The following DOCK1 variants were observed in gnomAD, a reference collection of about 807,000 sequenced individuals.
The protein encoded by DOCK1 is dedicator of cytokinesis 1, also known as dedicator of cytokinesis protein 1.
In DOCK1, 138 loss-of-function variants were observed where a neutral mutation model predicts 262.7. The ratio of observed to expected loss-of-function variants is 0.53; its 90% CI spans 0.46 to 0.61. The LOEUF is 0.61. Among genes scored for constraint, DOCK1 ranks in the 20% least tolerant of loss-of-function variants. The probability of loss-of-function intolerance (pLI) is 0.00; values close to 1 mark genes in which losing one functional copy is unlikely to be tolerated. For synonymous variants in DOCK1, 866 were observed against 867.4 expected (o/e 1.00, Z 0.03); for missense variants, 1,908 against 2,370.7 (o/e 0.80, Z 4.05).
intron 21 of DOCK1, among the ~76,000 whole-genome samples, chr10:127,047,521 A>G (rs1169083666): frequency 6.6e-6 from 1 of 152,220 alleles, no homozygotes; most frequent in Non-Finnish European, 1.5e-5. Flanking sequence ...TTAAAATTTA[A>G]AAACTTAAAA....
chr10:127,289,316 A>G (rs2061269475), intron 29 of DOCK1, among the ~76,000 whole-genome samples: 1 of 152,154 alleles, frequency 6.6e-6, no homozygotes, highest in African/African-American at 2.4e-5. Flanking sequence ...ACCACTGTGC[A>G]GATTCCATTG....
rs143729987 is a variant in DOCK1, at chr10:126,907,234, C to A, written c.46+1671C>A. ...AGAGGAGAGAGCTGAGGACTGACTC[C>A]CAGGGAACCTAGCACCAGCACACGC... On this transcript the variant is annotated intron_variant, in intron 1 of 51. Transcript: ENST00000623213. 1.5e-3 allele frequency among the ~76,000 whole-genome samples: 234 copies of A among 152,136 alleles called. 1 individual carries two copies. Among genetic ancestry groups the A allele is most frequent in the African/African-American group, 5.3e-3 (221 of 41,520 alleles).
intron 1 of DOCK1, among the ~76,000 whole-genome samples, chr10:126,918,022 A>G (rs564326695): frequency 1.2e-3 from 178 of 152,316 alleles, no homozygotes; most frequent in Non-Finnish European, 2.1e-3. Flanking sequence ...AGCTGTGCCC[A>G]TTGAGAGCTT....
chr10:127,340,465 A>G (rs997155762), intron 30 of DOCK1, among the ~76,000 whole-genome samples: 2 of 152,162 alleles, frequency 1.3e-5, no homozygotes, highest in Non-Finnish European at 1.5e-5. Flanking sequence ...ATTCCACGAT[A>G]TGAATGTACC....
intron 27 of DOCK1, chr10:127,195,959 C>T (rs1178323785): frequency 6.6e-6 from 1 of 152,222 alleles, no homozygotes; most frequent in Non-Finnish European, 1.5e-5. Flanking sequence ...ACGACGGGCG[C>T]GGGGGCGCGG....
intron 29 of DOCK1, among the ~76,000 whole-genome samples, chr10:127,292,382 C>T (rs1437927187): frequency 1.3e-5 from 2 of 152,100 alleles, no homozygotes; most frequent in African/African-American, 2.4e-5. Flanking sequence ...CCACTGGCCA[C>T]CTCTGCTGCA....
At chr10:127,063,225 G>A (rs373039277) in intron 23 of DOCK1, among the ~76,000 whole-genome samples, 88 of 152,282 alleles carry the variant, frequency 5.8e-4, no homozygotes, top group African/African-American at 2.0e-3. Flanking sequence ...TTTGTTTAAC[G>A]TATAATTTTA....
chr10:127,381,612 A>T (rs547527178), intron 37 of DOCK1, among the ~76,000 whole-genome samples: 4 of 152,228 alleles, frequency 2.6e-5, no homozygotes, highest in Non-Finnish European at 4.4e-5. Flanking sequence ...ATAAACTCCC[A>T]TCACTTGGCT....
intron 51 of DOCK1, among the ~76,000 whole-genome samples, chr10:127,449,523 C>T (rs2070817656): frequency 6.6e-6 from 1 of 152,200 alleles, no homozygotes; most frequent in South Asian, 2.1e-4. Context: ...AGCTCTCTCT[C>T]AATTGATAAA....
chr10:127,427,263 G>GTAACATAC (rs1372746520), intron 47 of DOCK1, among the ~76,000 whole-genome samples: 3 of 152,192 alleles, frequency 2.0e-5, no homozygotes, highest in African/African-American at 4.8e-5. Context: ...CTTCTCCCAG[G>GTAACATAC]TAACATACGG....
chr10:127,105,740 G>A (rs957969468), intron 23 of DOCK1, among the ~76,000 whole-genome samples: 6 of 152,110 alleles, frequency 3.9e-5, no homozygotes, highest in African/African-American at 1.4e-4. Context: ...AGCATTGTTT[G>A]AGCATTCTTT....
intron 18 of DOCK1, among the ~76,000 whole-genome samples, chr10:127,036,047 AAAG>A (rs1389077217): frequency 1.6e-5 from 2 of 122,454 alleles, no homozygotes; most frequent in Non-Finnish European, 3.5e-5. Context: ...AATAAATAAA[AAAG>A]AGTAGAGTGC....
chr10:127,128,571 T>G (rs897602002), intron 27 of DOCK1, among the ~76,000 whole-genome samples: 1 of 152,058 alleles, frequency 6.6e-6, no homozygotes, highest in Non-Finnish European at 1.5e-5. Context: ...CCCCGGTGTG[T>G]GTGGTTCTCC....
Position 127,041,005 on chromosome 10 carries a change from G to T in DOCK1, c.2011-1620G>T, listed in dbSNP as rs544936725. Among the ~76,000 whole-genome samples, 3 of 152,140 alleles carry T rather than the reference G, an allele frequency of 2.0e-5. 1 individual carries two copies. Among genetic ancestry groups the T allele is most frequent in the South Asian group, 2.1e-4 (1 of 4,812 alleles). On this transcript the variant is annotated intron_variant, in intron 19 of 51. Coordinates refer to ENST00000623213, the MANE Select transcript of DOCK1 (RefSeq NM_001290223.2). ...ATATTTTATGTAAATTGAATCATAC[G>T]CCCTGTGGCCTTTTGTGTCTGGCTT...
chr10:127,245,973 C>T (rs926653847), intron 27 of DOCK1, among the ~76,000 whole-genome samples: 4 of 152,134 alleles, frequency 2.6e-5, no homozygotes, highest in Admixed American at 6.5e-5. Context: ...TCTTCTTCAG[C>T]GGGAAAAGCT....
In DOCK1 at chr10:127,364,195, G is replaced by A. The variant is rs73386520; in HGVS notation, c.3432+1983G>A. 4.6e-3 allele frequency among the ~76,000 whole-genome samples: 704 copies of A among 152,248 alleles called. 6 individuals carry two copies. Among genetic ancestry groups the A allele is most frequent in the African/African-American group, 0.016 (656 of 41,528 alleles). On this transcript the variant is annotated intron_variant, in intron 33 of 51. Coordinates refer to ENST00000623213, the MANE Select transcript of DOCK1 (RefSeq NM_001290223.2). ...ATGGCCATTTCGTCAGGGTTGTTCC[G>A]GAAGCCGGGGAGGAGCACACAGGAG...
intron 35 of DOCK1, among the ~76,000 whole-genome samples, chr10:127,377,891 CAAA>C (rs71490127): frequency 9.5e-6 from 1 of 104,754 alleles, no homozygotes; most frequent in African/African-American, 3.7e-5. Flanking sequence ...GACTCTGTCT[CAAA>C]AAAAAAAAAA....
At chr10:127,191,133 T>C (rs1183921704) in intron 27 of DOCK1, among the ~76,000 whole-genome samples, 1 of 152,100 alleles carries the variant, frequency 6.6e-6, no homozygotes, top group Non-Finnish European at 1.5e-5. Context: ...GCTCCAGGAC[T>C]AATGTCTGCT....
At chr10:127,373,051 C>A (rs995326070) in intron 33 of DOCK1, among the ~76,000 whole-genome samples, 1 of 152,064 alleles carries the variant, frequency 6.6e-6, no homozygotes, top group African/African-American at 2.4e-5. Flanking sequence ...TTTTTTTCAG[C>A]CTGATCAGAC....
Sources: gnomAD v4.1 joint callset for allele counts (sites outside exome capture counted in the v4.1 genomes callset) on GRCh38, gnomAD v4.1.1 for gene constraint, MANE v1.5 for transcripts, NCBI Gene and HGNC (gene_info 2026-07-23, HGNC 2026-07-21) for gene names.